The following PPFIBP1 variants were observed in gnomAD, a reference collection of about 807,000 sequenced individuals.
PPFIBP1 encodes the protein liprin-beta-1.
Under a neutral mutation model 137.8 loss-of-function variants are expected in PPFIBP1, and 112 were observed. The ratio of observed to expected loss-of-function variants is 0.81; its 90% CI spans 0.70 to 0.95. The LOEUF is 0.95. PPFIBP1 is among the 40% of genes least tolerant of loss of function. The pLI, the probability that PPFIBP1 is intolerant of heterozygous loss-of-function variation, is 0.00. For synonymous variants in PPFIBP1, 378 were observed against 417.3 expected (o/e 0.91, Z 1.15); for missense variants, 1,083 against 1,196.6 (o/e 0.91, Z 1.40).
rs1341780249 is a variant in PPFIBP1 at position 27,620,929 on chromosome 12, C to T, written c.-35-12433C>T. The stretch of plus-strand genomic sequence containing the variant: ...TGGTTTCTTGCCGTTACAATGTATG[C>T]GCCATCAGAGCAACAACTTTTTACT... On this transcript the variant is annotated intron_variant, in intron 2 of 29. Coordinates refer to ENST00000228425, the MANE Select transcript of PPFIBP1 (RefSeq NM_003622.4). Among the ~76,000 whole-genome samples the T allele has an allele frequency of 4.6e-5, 7 of 152,236 alleles. No individual in the cohort carries two copies. In the East Asian group the frequency reaches 9.6e-4, roughly 21 times the overall value.
intron 1 of PPFIBP1, among the ~76,000 whole-genome samples, chr12:27,553,098 A>G (rs1045631139): frequency 1.3e-5 from 2 of 152,226 alleles, no homozygotes; most frequent in African/African-American, 2.4e-5. Flanking sequence ...TTTGGCCAGA[A>G]AAAGAATCTT....
intron 2 of PPFIBP1, among the ~76,000 whole-genome samples, chr12:27,623,866 G>C (rs1366696831): frequency 6.6e-6 from 1 of 152,114 alleles, no homozygotes; most frequent in South Asian, 2.1e-4. Context: ...GAGCCACTGA[G>C]TCATAGCTGC....
intron 1 of PPFIBP1, among the ~76,000 whole-genome samples, chr12:27,565,096 G>C (rs770662843): frequency 6.6e-6 from 1 of 152,192 alleles, no homozygotes. Flanking sequence ...CAGTTTGTAA[G>C]TCCCAGTCTG....
At chr12:27,687,946 T>C (rs2061297023) in intron 25 of PPFIBP1, among the ~76,000 whole-genome samples, 1 of 152,026 alleles carries the variant, frequency 6.6e-6, no homozygotes, top group South Asian at 2.1e-4. Context: ...TAGCCAGGCA[T>C]GGTGGGTGCA....
intron 1 of PPFIBP1, among the ~76,000 whole-genome samples, chr12:27,577,585 G>C (rs1484939960): frequency 6.6e-6 from 1 of 152,100 alleles, no homozygotes; most frequent in Non-Finnish European, 1.5e-5. Context: ...ATCATGGTGA[G>C]GATATATGTT....
Position 27,619,137 on chromosome 12 carries a change from C to T in PPFIBP1, c.-35-14225C>T, listed in dbSNP as rs118134377. 3.6e-3 allele frequency among the ~76,000 whole-genome samples: 544 copies of T among 152,074 alleles called. 6 individuals carry two copies. The highest frequency in any genetic ancestry group is 6.2e-3 in the East Asian group (32 of 5,170). On this transcript the variant is annotated intron_variant, in intron 2 of 29. Coordinates refer to ENST00000228425, the MANE Select transcript of PPFIBP1 (RefSeq NM_003622.4). ...TTTATATACGAGATCCAGGCACAGC[C>T]GTCACTGGGTATCCACGGGGAGTTG...
At chr12:27,595,519 G>A (rs1446507404) in intron 2 of PPFIBP1, among the ~76,000 whole-genome samples, 1 of 152,114 alleles carries the variant, frequency 6.6e-6, no homozygotes, top group African/African-American at 2.4e-5. Flanking sequence ...AGGAAAAACG[G>A]GGATAGAAAG....
Position 27,642,489 on chromosome 12 carries a change from G to A in PPFIBP1, c.271-3573G>A, listed in dbSNP as rs140675961. Among the ~76,000 whole-genome samples, 170 of 152,324 alleles carry A rather than the reference G, an allele frequency of 1.1e-3. 1 individual carries two copies. The highest frequency in any genetic ancestry group is 3.7e-3 in the African/African-American group (154 of 41,566). ...GCACCATGGAAGAATCAAAAGAAAC[G>A]TAAGACAGTTTTGCACTGAGAAACT... On this transcript the variant is annotated intron_variant, in intron 4 of 29. Transcript: ENST00000228425.
chr12:27,689,808 C>T (rs1421681209), intron 27 of PPFIBP1, among the ~76,000 whole-genome samples: 1 of 152,118 alleles, frequency 6.6e-6, no homozygotes, highest in East Asian at 1.9e-4. Flanking sequence ...TCATTCCCGC[C>T]GCCCCAGGAA....
At chr12:27,625,526 G>A (rs368894165) in intron 2 of PPFIBP1, among the ~76,000 whole-genome samples, 7 of 149,864 alleles carry the variant, frequency 4.7e-5, no homozygotes, top group African/African-American at 1.7e-4. Context: ...AATACACACT[G>A]TTCAAATTTC....
At chr12:27,610,672 A>T (rs776383375) in intron 2 of PPFIBP1, among the ~76,000 whole-genome samples, 1 of 152,186 alleles carries the variant, frequency 6.6e-6, no homozygotes, top group Non-Finnish European at 1.5e-5. Context: ...TTTCATTGCT[A>T]GTATAAAACT....
chr12:27,552,571 C>T, intron 1 of PPFIBP1: 1 of 152,180 alleles, frequency 6.6e-6, no homozygotes, highest in Non-Finnish European at 1.5e-5. Flanking sequence ...AGGTGGAATT[C>T]TAGTTGTGAT....
At position 27,545,580 on chromosome 12, in the gene PPFIBP1, T is replaced by C. The variant is rs147420718; in HGVS notation, c.-124+21215T>C. Among the ~76,000 whole-genome samples, 3 of 152,282 alleles carry C rather than the reference T, an allele frequency of 2.0e-5. 1 individual carries two copies. In the East Asian group the frequency reaches 5.8e-4, roughly 29 times the overall value. ...AGTAAATAGAGTAATTAGTGCTCATTAGCACTCCCACGAGCTATAATGCAT... is the reference window on the plus strand; with the variant it reads ...AGTAAATAGAGTAATTAGTGCTCATCAGCACTCCCACGAGCTATAATGCAT... On this transcript the variant is annotated intron_variant, in intron 1 of 29. Coordinates refer to ENST00000228425, the MANE Select transcript of PPFIBP1 (RefSeq NM_003622.4).
At position 27,597,198 on chromosome 12, in the gene PPFIBP1, C is replaced by T. The variant is rs188901180; in HGVS notation, c.-36+18959C>T. Among the ~76,000 whole-genome samples, 887 of 152,284 alleles carry T rather than the reference C, an allele frequency of 5.8e-3. 4 individuals carry two copies. Among genetic ancestry groups the T allele is most frequent in the Middle Eastern group, 0.041 (12 of 294 alleles). On this transcript the variant is annotated intron_variant, in intron 2 of 29. Coordinates refer to ENST00000228425, the MANE Select transcript of PPFIBP1 (RefSeq NM_003622.4). ...TTTATTTATTTTTGAGACAGAGTCT[C>T]GTTCTGTCGCCCAGGCTGGAGTGCA...
intron 1 of PPFIBP1, among the ~76,000 whole-genome samples, chr12:27,573,055 G>T (rs1168347782): frequency 1.3e-5 from 2 of 152,018 alleles, no homozygotes; most frequent in African/African-American, 4.8e-5. Context: ...TGGTTGGCTG[G>T]GCTCCATGTA....
At chr12:27,664,276 T>G in intron 11 of PPFIBP1, 86 bp from the exon 12 acceptor site, 1 of 851,612 alleles carries the variant, frequency 1.2e-6, no homozygotes, top group Non-Finnish European at 1.9e-6. Context: ...TTTATGTAAT[T>G]ACTATTCTTT....
chr12:27,551,690 G>T (rs1946797514), intron 1 of PPFIBP1, among the ~76,000 whole-genome samples: 1 of 152,136 alleles, frequency 6.6e-6, no homozygotes, highest in Non-Finnish European at 1.5e-5. Context: ...GCCAGCCAAA[G>T]TCTCTGTAAC....
At chr12:27,659,934 T>C (rs12320934) in intron 10 of PPFIBP1, among the ~76,000 whole-genome samples, 3,325 of 152,204 alleles carry the variant, frequency 0.022, 128 homozygotes, top group African/African-American at 0.076. Flanking sequence ...CAGAGGAAGA[T>C]GCTGTCTCTA....
intron 1 of PPFIBP1, among the ~76,000 whole-genome samples, chr12:27,534,430 G>A (rs1054484377): frequency 6.6e-6 from 1 of 152,136 alleles, no homozygotes; most frequent in African/African-American, 2.4e-5. Context: ...ATGGCTCTGG[G>A]GATTATTGTC....
Sources: allele counts gnomAD v4.1 joint callset (sites outside exome capture counted in the v4.1 genomes callset), GRCh38; gene constraint gnomAD v4.1.1; transcripts MANE v1.5; gene names NCBI Gene and HGNC (gene_info 2026-07-23, HGNC 2026-07-21).